PCDH9: variants seen among roughly 807,000 people sequenced by gnomAD.
The protein encoded by PCDH9 is protocadherin-9.
PCDH9 carries 24 observed loss-of-function variants against 70.6 expected under a neutral mutation model. The observed-to-expected ratio is 0.34, with a 90% CI of 0.25 to 0.48. The LOEUF (loss-of-function observed/expected upper bound fraction) is 0.48, where lower values mean the gene tolerates loss of function less well. PCDH9 is among the 20% of genes least tolerant of loss of function. The pLI is 0.99. For missense variants in PCDH9, 1,281 were observed against 1,503.6 expected, an observed-to-expected ratio of 0.85 and a Z score of 2.45; for synonymous variants, 562 against 558.5, an observed-to-expected ratio of 1.01 and a Z score of -0.09.
chr13:66,722,202 T>C (rs9571638), intron 3 of PCDH9, among the ~76,000 whole-genome samples: 21,112 of 152,130 alleles, frequency 0.14, 1,659 homozygotes, highest in African/African-American at 0.21. Flanking sequence ...AGTATTTGTT[T>C]TCTTAAAACT....
intron 2 of PCDH9, among the ~76,000 whole-genome samples, chr13:67,060,142 A>G (rs557623823): frequency 3.9e-4 from 60 of 152,112 alleles, no homozygotes; most frequent in African/African-American, 1.4e-3. Flanking sequence ...CAAATAACAC[A>G]TTGCTGGAAG....
chr13:67,151,325 A>G (rs939798001), intron 2 of PCDH9, among the ~76,000 whole-genome samples: 6 of 152,136 alleles, frequency 3.9e-5, no homozygotes, highest in East Asian at 1.9e-4. Context: ...GTATCCCCCA[A>G]TTTGTTCCTC....
chr13:67,106,685 C>T (rs1461109638), intron 2 of PCDH9, among the ~76,000 whole-genome samples: 1 of 152,196 alleles, frequency 6.6e-6, no homozygotes, highest in Non-Finnish European at 1.5e-5. Context: ...ACAGCTGCAG[C>T]CACCCAGCCA....
At chr13:66,944,588 T>G (rs1860914787) in intron 2 of PCDH9, among the ~76,000 whole-genome samples, 1 of 152,102 alleles carries the variant, frequency 6.6e-6, no homozygotes, top group South Asian at 2.1e-4. Context: ...AAAAGTTTGA[T>G]CCCTCCCATT....
intron 3 of PCDH9, among the ~76,000 whole-genome samples, chr13:66,868,513 G>A (rs1414476490): frequency 4.6e-5 from 7 of 151,098 alleles, no homozygotes; most frequent in Admixed American, 3.3e-4. Context: ...CATCAACCAT[G>A]TGCAAAAAAA....
intron 4 of PCDH9, among the ~76,000 whole-genome samples, chr13:66,324,681 C>A (rs185456033): frequency 6.6e-6 from 1 of 151,890 alleles, no homozygotes; most frequent in South Asian, 2.1e-4. Flanking sequence ...GAGAGTGGCA[C>A]AGAAAAGCTA....
intron 4 of PCDH9, among the ~76,000 whole-genome samples, chr13:66,430,602 G>A (rs1252098318): frequency 6.6e-6 from 1 of 152,044 alleles, no homozygotes; most frequent in African/African-American, 2.4e-5. Context: ...TGCCCACATG[G>A]TGAGAGGGTC....
chr13:67,143,336 T>A lies in PCDH9; in HGVS notation c.3036+82069A>T, dbSNP rs74095341. Reference sequence around the variant, plus strand: ...GGATTTAATATTAAGGAACTAATAATTCATAAACCTTGTAGTTAAGTTTGG... The same window carrying A: ...GGATTTAATATTAAGGAACTAATAAATCATAAACCTTGTAGTTAAGTTTGG... On this transcript the variant is annotated intron_variant, in intron 2 of 4. Coordinates refer to ENST00000377865, the MANE Select transcript of PCDH9 (RefSeq NM_203487.3). Among the ~76,000 whole-genome samples, 653 of 152,288 alleles carry A rather than the reference T, an allele frequency of 4.3e-3. 6 individuals are homozygous for A. Among genetic ancestry groups the A allele is most frequent in the African/African-American group, 0.015 (627 of 41,554 alleles).
chr13:66,747,152 C>T (rs2139216691), intron 3 of PCDH9, among the ~76,000 whole-genome samples: 1 of 152,178 alleles, frequency 6.6e-6, no homozygotes, highest in East Asian at 1.9e-4. Context: ...GAGTTCAAGA[C>T]CAGTCTGGCC....
intron 2 of PCDH9, chr13:67,218,047 T>C (rs935772210): frequency 1.3e-5 from 2 of 152,110 alleles, no homozygotes; most frequent in African/African-American, 4.8e-5. Flanking sequence ...GGAAATGTGT[T>C]AGCTAGTTGT....
intron 4 of PCDH9, among the ~76,000 whole-genome samples, chr13:66,427,447 T>A (rs1397415931): frequency 1.3e-5 from 2 of 151,738 alleles, no homozygotes; most frequent in Non-Finnish European, 3.0e-5. Flanking sequence ...ACATGTCATG[T>A]GTAGGAAACT....
At chr13:66,379,746 C>A (rs1956811175) in intron 4 of PCDH9, among the ~76,000 whole-genome samples, 3 of 151,880 alleles carry the variant, frequency 2.0e-5, no homozygotes, top group Non-Finnish European at 4.4e-5. Context: ...CGTGTTTAAA[C>A]GATAAAAAGT....
chr13:66,807,641 ATAAG>A (rs138386349), intron 3 of PCDH9, among the ~76,000 whole-genome samples: 3,183 of 152,232 alleles, frequency 0.021, 127 homozygotes, highest in African/African-American at 0.071. Flanking sequence ...AAAACACTAA[ATAAG>A]TATTTGTTAT....
chr13:66,829,493 G>A (rs2080885025), intron 3 of PCDH9, among the ~76,000 whole-genome samples: 1 of 151,916 alleles, frequency 6.6e-6, no homozygotes, highest in African/African-American at 2.4e-5. Flanking sequence ...AATTATTGGA[G>A]TGATGTGGTG....
At chr13:66,405,124 G>T (rs1353085601) in intron 4 of PCDH9, among the ~76,000 whole-genome samples, 2 of 152,114 alleles carry the variant, frequency 1.3e-5, no homozygotes, top group African/African-American at 4.8e-5. Flanking sequence ...ACATAACACA[G>T]ATAGTTACTT....
At chr13:66,977,846 T>A (rs904646691) in intron 2 of PCDH9, among the ~76,000 whole-genome samples, 5 of 152,140 alleles carry the variant, frequency 3.3e-5, no homozygotes, top group African/African-American at 1.2e-4. Flanking sequence ...GGAAATGCTC[T>A]ATCCCACCAG....
intron 4 of PCDH9, among the ~76,000 whole-genome samples, chr13:66,331,709 C>A (rs1407612019): frequency 6.6e-6 from 1 of 152,108 alleles, no homozygotes; most frequent in Non-Finnish European, 1.5e-5. Context: ...CAACTAGGAA[C>A]AAGACAGAGT....
At chr13:66,846,152 A>C (rs1594140129) in intron 3 of PCDH9, among the ~76,000 whole-genome samples, 3 of 149,998 alleles carry the variant, frequency 2.0e-5, no homozygotes. Context: ...AAAAAAAAAA[A>C]CAGCTTATAT....
At chr13:67,067,355 A>G (rs1016622964) in intron 2 of PCDH9, among the ~76,000 whole-genome samples, 17 of 152,290 alleles carry the variant, frequency 1.1e-4, no homozygotes, top group African/African-American at 3.8e-4. Context: ...TACCCCATGT[A>G]TCAAAAATTG....
Sources: gnomAD v4.1 joint callset for allele counts (sites outside exome capture counted in the v4.1 genomes callset) on GRCh38, gnomAD v4.1.1 for gene constraint, MANE v1.5 for transcripts, NCBI Gene and HGNC (gene_info 2026-07-23, HGNC 2026-07-21) for gene names.